Variants in CNTN4 observed in about 807,000 individuals in gnomAD.
CNTN4 encodes contactin 4.
In CNTN4, 77 loss-of-function variants were observed where a neutral mutation model predicts 122.5. The observed-to-expected ratio is 0.63, with a 90% CI of 0.52 to 0.76. The LOEUF (loss-of-function observed/expected upper bound fraction) is 0.76, where lower values mean the gene tolerates loss of function less well. Among genes scored for constraint, CNTN4 ranks in the 30% least tolerant of loss-of-function variants. The probability of loss-of-function intolerance (pLI) is 0.00; values close to 1 mark genes in which losing one functional copy is unlikely to be tolerated. For missense variants in CNTN4, 1,256 were observed against 1,259.1 expected (o/e 1.00, Z 0.04); for synonymous variants, 512 against 447.0 (o/e 1.15, Z -1.83).
intron 6 of CNTN4, among the ~76,000 whole-genome samples, chr3:2,772,758 G>C (rs1283809378): frequency 6.6e-6 from 1 of 152,114 alleles, no homozygotes; most frequent in Non-Finnish European, 1.5e-5. Context: ...ACAGTAAATA[G>C]ACATGAACAT....
At chr3:2,611,524 C>T (rs548191636) in intron 4 of CNTN4, among the ~76,000 whole-genome samples, 2 of 152,070 alleles carry the variant, frequency 1.3e-5, no homozygotes, top group African/African-American at 2.4e-5. Context: ...TTGGGAGAGC[C>T]GTTGTGTGAA....
Position 3,010,100 on chromosome 3 carries a change from G to A in CNTN4, c.1487-16002G>A, listed in dbSNP as rs145630321. ...ACTCACTAAATCCCTGCTATCCTCA[G>A]TTCAACCTGGTGTCCTCTGGCCCAG... On this transcript the variant is annotated intron_variant, in intron 14 of 24. Coordinates refer to ENST00000418658, the MANE Select transcript of CNTN4 (RefSeq NM_175607.3). Among the ~76,000 whole-genome samples the A allele has an allele frequency of 3.7e-3, 563 of 152,128 alleles. 6 individuals are homozygous for A. Among genetic ancestry groups the A allele is most frequent in the Non-Finnish European group, 5.4e-3 (368 of 67,992 alleles).
chr3:2,730,976 G>T (rs576986236), intron 4 of CNTN4, among the ~76,000 whole-genome samples: 1 of 151,368 alleles, frequency 6.6e-6, no homozygotes, highest in Admixed American at 6.6e-5. Context: ...AGTGACACCC[G>T]GCTGCGGAGA....
intron 6 of CNTN4, among the ~76,000 whole-genome samples, chr3:2,776,326 T>C (rs970690131): frequency 6.6e-6 from 1 of 152,040 alleles, no homozygotes; most frequent in Admixed American, 6.5e-5. Flanking sequence ...TTTTTTTTCT[T>C]TTTGGAAAGA....
At chr3:2,223,381 C>T (rs1284647839) in intron 2 of CNTN4, among the ~76,000 whole-genome samples, 1 of 152,138 alleles carries the variant, frequency 6.6e-6, no homozygotes, top group African/African-American at 2.4e-5. Flanking sequence ...CATGGTATCC[C>T]TTCTAAAACT....
In CNTN4 at chr3:2,654,113, C is replaced by T. The variant is rs141641442; in HGVS notation, c.56-82102C>T. On this transcript the variant is annotated intron_variant, in intron 4 of 24. Coordinates refer to ENST00000418658, the MANE Select transcript of CNTN4 (RefSeq NM_175607.3). ...ATGCTTTGCTTTTTGAAAGCAATTG[C>T]TGTGTTTCCCTTCAGGGGATGAGCT... Among the ~76,000 whole-genome samples the T allele has an allele frequency of 4.7e-4, 72 of 152,312 alleles. No homozygotes were observed. In the East Asian group the frequency reaches 9.4e-3, roughly 20 times the overall value.
At chr3:2,336,503 A>C (rs1245902801) in intron 2 of CNTN4, among the ~76,000 whole-genome samples, 1 of 152,102 alleles carries the variant, frequency 6.6e-6, no homozygotes, top group East Asian at 1.9e-4. Context: ...TGTCTGCCTC[A>C]TTTCTACAGG....
intron 2 of CNTN4, among the ~76,000 whole-genome samples, chr3:2,124,863 A>G (rs1344196996): frequency 6.6e-6 from 1 of 152,240 alleles, no homozygotes. Flanking sequence ...ATTTTAATAT[A>G]TGCAAAGATG....
At chr3:2,677,115 G>A (rs147710725) in intron 4 of CNTN4, among the ~76,000 whole-genome samples, 7 of 149,718 alleles carry the variant, frequency 4.7e-5, no homozygotes, top group African/African-American at 1.7e-4. Context: ...TAGATAGATA[G>A]ATAGATCACT....
chr3:2,362,084 C>G (rs1348938824), intron 3 of CNTN4, among the ~76,000 whole-genome samples: 5 of 152,138 alleles, frequency 3.3e-5, no homozygotes, highest in African/African-American at 4.8e-5. Flanking sequence ...TAGGCATGAA[C>G]TTGGTGCATT....
intron 3 of CNTN4, among the ~76,000 whole-genome samples, chr3:2,353,513 A>G (rs1214045286): frequency 6.6e-6 from 1 of 152,130 alleles, no homozygotes; most frequent in Non-Finnish European, 1.5e-5. Context: ...TATGTCCTTA[A>G]GAGCTGTAAC....
In CNTN4 at chr3:3,043,587, T is replaced by C; in HGVS notation, c.2699-5T>C. 1.3e-6 allele frequency: 2 copies of C among 1,597,814 alleles called. No individual in the cohort carries two copies. Among genetic ancestry groups the C allele is most frequent in the Non-Finnish European group, 1.7e-6 (2 of 1,165,176 alleles). On this transcript the variant is annotated splice_polypyrimidine_tract_variant and splice_region_variant and intron_variant, in intron 22 of 24. Coordinates refer to ENST00000418658, the MANE Select transcript of CNTN4 (RefSeq NM_175607.3). ...GTGACTTCGTATATCTTAATTTTTT[T>C]ATAGCACCAAGTCAACCCCCCGGAA...
chr3:2,810,319 T>C (rs1487258100), intron 6 of CNTN4, among the ~76,000 whole-genome samples: 2 of 152,198 alleles, frequency 1.3e-5, no homozygotes, highest in African/African-American at 2.4e-5. Context: ...TTCTTCCAAA[T>C]AGATAATATT....
At chr3:3,043,829 C>G (rs575410402) in intron 23 of CNTN4, 125 bp downstream of exon 23, 2 of 725,428 alleles carry the variant, frequency 2.8e-6, no homozygotes, top group African/African-American at 3.5e-5. Flanking sequence ...CTCTAGGAAT[C>G]GCTGCCTCCA....
intron 12 of CNTN4, among the ~76,000 whole-genome samples, chr3:2,909,290 T>C (rs1322340102): frequency 6.6e-6 from 1 of 152,202 alleles, no homozygotes; most frequent in African/African-American, 2.4e-5. Context: ...TTGGTGTCTT[T>C]ATCAAGTTAT....
intron 2 of CNTN4, among the ~76,000 whole-genome samples, chr3:2,316,775 C>A (rs893033768): frequency 5.3e-5 from 8 of 152,134 alleles, no homozygotes; most frequent in African/African-American, 1.9e-4. Context: ...GTTTAAGACG[C>A]CGAGCTCTGT....
intron 14 of CNTN4, among the ~76,000 whole-genome samples, chr3:2,996,571 C>T (rs1387867206): frequency 6.6e-6 from 1 of 152,082 alleles, no homozygotes; most frequent in Admixed American, 6.6e-5. Flanking sequence ...AAAAGGCAAA[C>T]AGAATATGAC....
intron 3 of CNTN4, among the ~76,000 whole-genome samples, chr3:2,377,537 C>CAGT (rs1473526686): frequency 6.6e-6 from 1 of 152,170 alleles, no homozygotes; most frequent in Admixed American, 6.5e-5. Flanking sequence ...TGTCTTTGCA[C>CAGT]AGTATCACAC....
chr3:2,298,626 C>T (rs1272119684), intron 2 of CNTN4, among the ~76,000 whole-genome samples: 1 of 152,134 alleles, frequency 6.6e-6, no homozygotes, highest in African/African-American at 2.4e-5. Context: ...TATTAAAAAT[C>T]TAATGCCACA....
Sources: gnomAD v4.1 joint callset for allele counts (sites outside exome capture counted in the v4.1 genomes callset) on GRCh38, gnomAD v4.1.1 for gene constraint, MANE v1.5 for transcripts, NCBI Gene and HGNC (gene_info 2026-07-23, HGNC 2026-07-21) for gene names.